RPTOR: variants seen among roughly 807,000 people sequenced by gnomAD.
RPTOR encodes the protein regulatory associated protein of MTOR complex 1, also known as regulatory-associated protein of mTOR.
In RPTOR, 21 loss-of-function variants were observed where a neutral mutation model predicts 169.9. The ratio of observed to expected loss-of-function variants is 0.12; its 90% CI spans 0.09 to 0.18. RPTOR has a LOEUF of 0.18. Ranked by LOEUF, RPTOR falls within the 10% of genes least tolerant of loss-of-function variation. RPTOR has a pLI of 1.00. For synonymous variants in RPTOR, 732 were observed against 753.2 expected (o/e 0.97, Z 0.46); for missense variants, 1,133 against 1,855.9 (o/e 0.61, Z 7.16).
intron 3 of RPTOR, among the ~76,000 whole-genome samples, chr17:80,697,685 G>A (rs2066048869): frequency 1.3e-5 from 2 of 152,376 alleles, no homozygotes; most frequent in Non-Finnish European, 2.9e-5. Flanking sequence ...ATTAGCCACG[G>A]TGGGAACGTG....
In RPTOR at chr17:80,818,474, A is replaced by C. The variant is rs142923801; in HGVS notation, c.891-3727A>C. ...TGGCCTCCCGAGTTGGGCAAGACTC[A>C]GCATTGGTTAGGATCAGGTACAGAA... On this transcript the variant is annotated intron_variant, in intron 7 of 33. Coordinates refer to ENST00000306801, the MANE Select transcript of RPTOR (RefSeq NM_020761.3). 3.3e-5 allele frequency among the ~76,000 whole-genome samples: 5 copies of C among 152,292 alleles called. No individual in the cohort carries two copies. The South Asian group carries it at 8.3e-4, about 25-fold the overall frequency.
intron 2 of RPTOR, among the ~76,000 whole-genome samples, chr17:80,639,020 T>A (rs1194974597): frequency 2.6e-5 from 4 of 152,158 alleles, no homozygotes; most frequent in Non-Finnish European, 5.9e-5. Flanking sequence ...GGCTCCAAGC[T>A]TTGCGCCTGA....
chr17:80,570,289 G>A (rs1403432731), intron 1 of RPTOR, among the ~76,000 whole-genome samples: 2 of 152,040 alleles, frequency 1.3e-5, no homozygotes, highest in Non-Finnish European at 2.9e-5. Flanking sequence ...AGTTGTGTAT[G>A]GTGGGAGGGC....
Position 80,949,603 on chromosome 17 carries a change from A to G in RPTOR, c.3370+56A>G, listed in dbSNP as rs149622069. ...AATGTGTTCCCGGGGCTGCGGACGC[A>G]CTCGGAATTCCAAGGCCCTTCTGGG... On this transcript the variant is annotated intron_variant, in intron 28 of 33. Coordinates refer to ENST00000306801, the MANE Select transcript of RPTOR (RefSeq NM_020761.3). The G allele has an allele frequency of 1.5e-4, 224 of 1,452,002 alleles. No homozygotes were observed. The East Asian group carries it at 4.9e-3, about 32-fold the overall frequency. The allele number at this position is 1,452,002 out of a possible 1,614,324, so 89.9% of individuals were successfully genotyped here.
chr17:80,743,857 C>CTCT lies in RPTOR; in HGVS notation c.655-10153_655-10152insTCT, dbSNP rs1567887523. 1.2e-3 allele frequency among the ~76,000 whole-genome samples: 85 copies of CTCT among 70,850 alleles called. 1 individual carries two copies. Among genetic ancestry groups the CTCT allele is most frequent in the Non-Finnish European group, 1.6e-3 (55 of 34,716 alleles). The allele number at this position is 70,850 out of a possible 152,430, so 46.5% of individuals were successfully genotyped here. ...AGCACAGCCCTGGTTACTAGCAGAG[C>CTCT]CCTGGCTACTAGCACAGCCCTGGCT... On this transcript the variant is annotated intron_variant, in intron 5 of 33. Transcript: ENST00000306801.
At chr17:80,618,135 C>A (rs1013205542) in intron 1 of RPTOR, among the ~76,000 whole-genome samples, 7 of 152,004 alleles carry the variant, frequency 4.6e-5, no homozygotes, top group Admixed American at 3.9e-4. Flanking sequence ...TGCGTGCCAC[C>A]ACAGCCGGCT....
At chr17:80,671,971 G>C (rs2065825160) in intron 3 of RPTOR, among the ~76,000 whole-genome samples, 1 of 152,194 alleles carries the variant, frequency 6.6e-6, no homozygotes, top group African/African-American at 2.4e-5. Context: ...GGTGCCAGTA[G>C]CTATTTCCAT....
chr17:80,852,884 A>C, intron 11 of RPTOR, among the ~76,000 whole-genome samples: 8 of 146,364 alleles, frequency 5.5e-5, no homozygotes, highest in African/African-American at 1.8e-4. Context: ...CCCTCCCCCG[A>C]TCCTCCACCC....
chr17:80,875,392 C>T (rs1451607436), intron 13 of RPTOR, among the ~76,000 whole-genome samples: 1 of 152,120 alleles, frequency 6.6e-6, no homozygotes, highest in Non-Finnish European at 1.5e-5. Flanking sequence ...CTCCCTTTTC[C>T]CCATTTAAAA....
chr17:80,836,946 G>A (rs1424391446), intron 9 of RPTOR, among the ~76,000 whole-genome samples: 1 of 152,126 alleles, frequency 6.6e-6, no homozygotes, highest in Admixed American at 6.5e-5. Flanking sequence ...ATTTTAAATA[G>A]CGTCTGGGGG....
chr17:80,839,290 T>C (rs767361926), intron 10 of RPTOR, among the ~76,000 whole-genome samples: 1 of 152,224 alleles, frequency 6.6e-6, no homozygotes, highest in Non-Finnish European at 1.5e-5. Context: ...TTTTTTATAA[T>C]CTTCTGTTAC....
intron 10 of RPTOR, among the ~76,000 whole-genome samples, chr17:80,840,889 C>A (rs1426016036): frequency 1.5e-5 from 2 of 137,296 alleles, no homozygotes; most frequent in African/African-American, 5.8e-5. Context: ...CACACGGCAG[C>A]TCACACTCAC....
intron 5 of RPTOR, among the ~76,000 whole-genome samples, chr17:80,744,096 G>GC (rs1483012639): frequency 1.8e-5 from 2 of 113,602 alleles, no homozygotes; most frequent in African/African-American, 3.3e-5. Context: ...CACAGCCCTG[G>GC]TTACTAGCAC....
At chr17:80,800,157 G>T (rs900565683) in intron 7 of RPTOR, among the ~76,000 whole-genome samples, 1 of 152,146 alleles carries the variant, frequency 6.6e-6, no homozygotes, top group Non-Finnish European at 1.5e-5. Context: ...TTGCGACCTG[G>T]CCTCCTCACC....
chr17:80,626,255 G>A (rs774114006), intron 2 of RPTOR, among the ~76,000 whole-genome samples: 74 of 151,514 alleles, frequency 4.9e-4, no homozygotes, highest in Admixed American at 1.4e-3. Flanking sequence ...GTTTCACCAT[G>A]TTCGCCAGGA....
chr17:80,840,466 C>G (rs1359485730), intron 10 of RPTOR, among the ~76,000 whole-genome samples: 1 of 146,068 alleles, frequency 6.8e-6, no homozygotes, highest in Non-Finnish European at 1.5e-5. Context: ...TGCACCGCAG[C>G]TCACGCTCAC....
intron 13 of RPTOR, among the ~76,000 whole-genome samples, chr17:80,865,050 GGAGA>G (rs1598362368): frequency 6.6e-6 from 1 of 152,232 alleles, no homozygotes; most frequent in African/African-American, 2.4e-5. Context: ...AAGATGGGGA[GGAGA>G]GAGAATGAAG....
intron 28 of RPTOR, among the ~76,000 whole-genome samples, chr17:80,952,740 C>G: frequency 6.6e-6 from 1 of 152,152 alleles, no homozygotes; most frequent in Non-Finnish European, 1.5e-5. Context: ...CGCTTCCTGG[C>G]AGAGTCACCA....
chr17:80,872,978 C>A (rs1455967086), intron 13 of RPTOR, among the ~76,000 whole-genome samples: 1 of 152,216 alleles, frequency 6.6e-6, no homozygotes, highest in Non-Finnish European at 1.5e-5. Flanking sequence ...TAGAGCGGGC[C>A]CCCCACCACT....
Sources: gnomAD v4.1 joint callset for allele counts (sites outside exome capture counted in the v4.1 genomes callset) on GRCh38, gnomAD v4.1.1 for gene constraint, MANE v1.5 for transcripts, NCBI Gene and HGNC (gene_info 2026-07-23, HGNC 2026-07-21) for gene names.